IQSEC1: variants seen among roughly 807,000 people sequenced by gnomAD.
IQSEC1 encodes the protein IQ motif and SEC7 domain-containing protein 1.
In IQSEC1, 31 loss-of-function variants were observed where a neutral mutation model predicts 91.0. The observed-to-expected ratio is 0.34, with a 90% CI of 0.26 to 0.46. The LOEUF (loss-of-function observed/expected upper bound fraction) is 0.46, where lower values mean the gene tolerates loss of function less well. Ranked by LOEUF, IQSEC1 falls within the 20% of genes least tolerant of loss-of-function variation. IQSEC1 has a pLI of 1.00. For synonymous variants in IQSEC1, 699 were observed against 662.6 expected (o/e 1.05, Z -0.84); for missense variants, 1,388 against 1,575.6 (o/e 0.88, Z 2.02).
At chr3:13,060,518 C>T (rs138340402) in intron 1 of IQSEC1, among the ~76,000 whole-genome samples, 93 of 152,294 alleles carry the variant, frequency 6.1e-4, no homozygotes, top group African/African-American at 1.8e-3. Context: ...CACCGATGGG[C>T]GGGGTAGCCC....
In IQSEC1 at chr3:12,936,698, C is replaced by A; in HGVS notation, c.319-1G>T. On this transcript the variant is annotated splice_acceptor_variant, in intron 2 of 13. Coordinates refer to ENST00000613206, the MANE Select transcript of IQSEC1 (RefSeq NM_001134382.3). LOFTEE classifies it high-confidence loss of function. ...CATACTTTCGTTCTAGCATCTCCAC[C>A]TGCGGGTGGGAGAGGAGAATGAGAA... The A allele has an allele frequency of 6.4e-7, 1 of 1,566,366 alleles. No individual in the cohort carries two copies.
At chr3:13,054,182 T>C (rs886599259) in intron 1 of IQSEC1, among the ~76,000 whole-genome samples, 7 of 152,214 alleles carry the variant, frequency 4.6e-5, no homozygotes, top group African/African-American at 7.2e-5. Context: ...GTGGCTTCAA[T>C]AGGGTTTCTA....
At chr3:13,247,383 C>A (rs181135091) in intron 1 of IQSEC1, among the ~76,000 whole-genome samples, 1 of 152,294 alleles carries the variant, frequency 6.6e-6, no homozygotes, top group Middle Eastern at 3.4e-3. Flanking sequence ...TCTGCTCTGT[C>A]GGGGACAGCC....
At chr3:12,926,568 G>A (rs1436987580) in intron 3 of IQSEC1, among the ~76,000 whole-genome samples, 1 of 152,236 alleles carries the variant, frequency 6.6e-6, no homozygotes, top group Non-Finnish European at 1.5e-5. Context: ...TGTGGCTTGG[G>A]CCCCCTTGCC....
At chr3:13,249,648 G>C (rs1289330339) in intron 1 of IQSEC1, among the ~76,000 whole-genome samples, 3 of 152,134 alleles carry the variant, frequency 2.0e-5, no homozygotes. Flanking sequence ...CTCTTGCTGT[G>C]TGACCCTAGG....
intron 1 of IQSEC1, among the ~76,000 whole-genome samples, chr3:13,065,740 A>G (rs1246348300): frequency 6.6e-6 from 1 of 152,162 alleles, no homozygotes; most frequent in Non-Finnish European, 1.5e-5. Flanking sequence ...CTGAGTATAC[A>G]CCCAACAGAA....
At chr3:13,240,093 G>A (rs1045491355) in intron 1 of IQSEC1, among the ~76,000 whole-genome samples, 1 of 151,998 alleles carries the variant, frequency 6.6e-6, no homozygotes, top group African/African-American at 2.4e-5. Context: ...AACAAACCTT[G>A]GCCGGCCGGG....
intron 2 of IQSEC1, among the ~76,000 whole-genome samples, chr3:13,091,659 C>G (rs1244578809): frequency 6.6e-6 from 1 of 152,192 alleles, no homozygotes; most frequent in Non-Finnish European, 1.5e-5. Flanking sequence ...TTGGCTGTGC[C>G]TCAGCCTTGC....
At chr3:13,109,759 G>A (rs944670447) in intron 2 of IQSEC1, among the ~76,000 whole-genome samples, 4 of 148,542 alleles carry the variant, frequency 2.7e-5, no homozygotes, top group Admixed American at 2.0e-4. Flanking sequence ...CATGCTTCCC[G>A]TATAGCCTGC....
At chr3:12,927,523 C>T (rs572302557) in intron 3 of IQSEC1, among the ~76,000 whole-genome samples, 9 of 152,076 alleles carry the variant, frequency 5.9e-5, no homozygotes, top group Non-Finnish European at 1.2e-4. Context: ...CAGGCCCAGC[C>T]GGGTCCCGCC....
chr3:13,090,174 C>T (rs576749710), intron 2 of IQSEC1, among the ~76,000 whole-genome samples: 80 of 151,416 alleles, frequency 5.3e-4, no homozygotes, highest in African/African-American at 1.8e-3. Flanking sequence ...GCCAAGATCG[C>T]GCCACTGCGC....
intron 1 of IQSEC1, among the ~76,000 whole-genome samples, chr3:13,181,852 T>G (rs527814998): frequency 1.3e-5 from 2 of 152,378 alleles, no homozygotes; most frequent in African/African-American, 4.8e-5. Context: ...TTTGAATATG[T>G]TTAAACATAT....
At chr3:13,229,310 AG>A (rs1432780944) in intron 1 of IQSEC1, among the ~76,000 whole-genome samples, 2 of 152,264 alleles carry the variant, frequency 1.3e-5, no homozygotes, top group African/African-American at 4.8e-5. Context: ...CTATGATGAC[AG>A]GGCCTGGCCT....
At chr3:13,091,570 T>C (rs1705861876) in intron 2 of IQSEC1, among the ~76,000 whole-genome samples, 1 of 152,158 alleles carries the variant, frequency 6.6e-6, no homozygotes, top group East Asian at 1.9e-4. Flanking sequence ...TTGTGACTAC[T>C]GCAGGAGCAG....
intron 1 of IQSEC1, among the ~76,000 whole-genome samples, chr3:13,277,122 A>AC (rs1695699824): frequency 2.0e-5 from 3 of 150,050 alleles, no homozygotes; most frequent in Non-Finnish European, 4.4e-5. Context: ...AAAAAAAAAA[A>AC]AAAAAAAAAA....
intron 3 of IQSEC1, among the ~76,000 whole-genome samples, chr3:12,928,145 G>A (rs1435753928): frequency 6.6e-6 from 1 of 152,020 alleles, no homozygotes; most frequent in African/African-American, 2.4e-5. Context: ...ACCTGGCCAT[G>A]CTGCAGCAGA....
chr3:12,954,106 T>C (rs1245717772), intron 1 of IQSEC1, among the ~76,000 whole-genome samples: 3 of 152,226 alleles, frequency 2.0e-5, no homozygotes, highest in Non-Finnish European at 4.4e-5. Context: ...AAAGGCAGTC[T>C]TTCCGGCCCC....
At chr3:13,080,990 G>T (rs972967210) in intron 2 of IQSEC1, among the ~76,000 whole-genome samples, 23 of 152,224 alleles carry the variant, frequency 1.5e-4, no homozygotes, top group Admixed American at 1.3e-4. Flanking sequence ...TAAGGTAAAT[G>T]TCCAATATTG....
At chr3:13,017,965 G>T (rs917335839) in intron 1 of IQSEC1, among the ~76,000 whole-genome samples, 5 of 152,170 alleles carry the variant, frequency 3.3e-5, no homozygotes, top group Non-Finnish European at 7.3e-5. Flanking sequence ...AGGCGTGGGT[G>T]GGGAGGAGGC....
Sources: gnomAD v4.1 joint callset for allele counts (sites outside exome capture counted in the v4.1 genomes callset) on GRCh38, gnomAD v4.1.1 for gene constraint, MANE v1.5 for transcripts, NCBI Gene and HGNC (gene_info 2026-07-23, HGNC 2026-07-21) for gene names.